Variants in TBCD observed in about 807,000 individuals in gnomAD.
TBCD encodes the protein tubulin folding cofactor D, also known as tubulin-specific chaperone D.
A neutral mutation model predicts 169.3 loss-of-function variants in TBCD; 105 were observed. That is an observed-to-expected ratio of 0.62 (90% CI 0.53 to 0.73). The LOEUF (loss-of-function observed/expected upper bound fraction) is 0.73. Among genes scored for constraint, TBCD ranks in the 30% least tolerant of loss-of-function variants. TBCD has a pLI of 0.00. For synonymous variants in TBCD, 700 were observed against 643.9 expected, an observed-to-expected ratio of 1.09 and a Z score of -1.32; for missense variants, 1,444 against 1,600.1, an observed-to-expected ratio of 0.90 and a Z score of 1.66.
chr17:82,856,454 A>C (rs2056287795), intron 13 of TBCD, among the ~76,000 whole-genome samples: 1 of 151,994 alleles, frequency 6.6e-6, no homozygotes, highest in Non-Finnish European at 1.5e-5. Flanking sequence ...AAAGAAAAAA[A>C]GAAAAAAAAC....
chr17:82,920,536 C>T lies in TBCD; in HGVS notation c.2039-20C>T, dbSNP rs2061356047. On this transcript the variant is annotated intron_variant, in intron 23 of 38. Coordinates refer to ENST00000355528, the MANE Select transcript of TBCD (RefSeq NM_005993.5). The surrounding 1 kb of genome is among the most constrained non-coding windows in gnomAD (Gnocchi z 4.1). ...TTAGAAAAGTAACATTGCGTCTATC[C>T]TTTTTTTTTTTTTTTCCAGTGTGTG... 10 of 1,402,998 alleles carry T rather than the reference C, an allele frequency of 7.1e-6. No homozygotes were observed. The highest frequency in any genetic ancestry group is 2.4e-5 in the Admixed American group (1 of 41,752). 86.9% of individuals were successfully genotyped at this position (1,402,998 alleles called of 1,614,324 possible).
At chr17:82,856,064 C>G (rs1271712517) in intron 13 of TBCD, among the ~76,000 whole-genome samples, 1 of 132,058 alleles carries the variant, frequency 7.6e-6, no homozygotes, top group Non-Finnish European at 1.5e-5. Context: ...TCTTGAACTC[C>G]TGGCCTCAAA....
intron 14 of TBCD, among the ~76,000 whole-genome samples, chr17:82,875,830 C>G (rs1421454202): frequency 6.6e-6 from 1 of 152,198 alleles, no homozygotes; most frequent in Non-Finnish European, 1.5e-5. Flanking sequence ...CCCGGCAAAT[C>G]CTGCCTCCAC....
intron 13 of TBCD, among the ~76,000 whole-genome samples, chr17:82,848,673 CT>C (rs1224325919): frequency 1.3e-5 from 2 of 152,086 alleles, no homozygotes; most frequent in South Asian, 2.1e-4. Flanking sequence ...CTCAGATCTT[CT>C]TTTTTTTCAT....
chr17:82,824,528 C>A (rs1263727071), intron 13 of TBCD, among the ~76,000 whole-genome samples: 1 of 152,110 alleles, frequency 6.6e-6, no homozygotes, highest in Non-Finnish European at 1.5e-5. Flanking sequence ...ATTGTCCAGG[C>A]TGGAGTGCAG....
At chr17:82,908,154 T>C in intron 21 of TBCD, 1 of 395,416 alleles carries the variant, frequency 2.5e-6, no homozygotes, top group South Asian at 2.1e-5. Flanking sequence ...CGGCTGCAGC[T>C]GGAGTGTGGT....
chr17:82,872,855 C>T (rs929252308), intron 14 of TBCD, among the ~76,000 whole-genome samples: 6 of 152,158 alleles, frequency 3.9e-5, no homozygotes, highest in Admixed American at 6.5e-5. Context: ...ACCTGGTGGC[C>T]GAAGGCTTCT....
In TBCD at chr17:82,874,780, G is replaced by A. The variant is rs1020725431; in HGVS notation, c.1475+4400G>A. Reference sequence around the variant, plus strand: ...CCCTGCGCACCCGGGTATCGGTTGGGGTGTGCCCTTCCAGATCTCCCTCCC... The same window carrying A: ...CCCTGCGCACCCGGGTATCGGTTGGAGTGTGCCCTTCCAGATCTCCCTCCC... On this transcript the variant is annotated intron_variant, in intron 14 of 38. Transcript: ENST00000355528. This position sits in a 1 kb window ranked among gnomAD's most constrained non-coding sequence, Gnocchi z 5.0. Among the ~76,000 whole-genome samples, 9 of 152,204 alleles carry A rather than the reference G, an allele frequency of 5.9e-5. No homozygotes were observed. The highest frequency in any genetic ancestry group is 2.2e-4 in the African/African-American group (9 of 41,442).
At chr17:82,777,430 C>T (rs550297262) in intron 6 of TBCD, among the ~76,000 whole-genome samples, 19 of 152,228 alleles carry the variant, frequency 1.2e-4, no homozygotes, top group African/African-American at 1.9e-4. Context: ...TTGCAGAGAC[C>T]GGTAGCGGCC....
At chr17:82,788,491 G>C (rs77455390) in intron 7 of TBCD, among the ~76,000 whole-genome samples, 4,092 of 152,182 alleles carry the variant, frequency 0.027, 85 homozygotes, top group Middle Eastern at 0.078. Context: ...TTAGGCTCGA[G>C]TCTCCCCTTT....
In TBCD at chr17:82,790,521, C is replaced by T. The variant is rs531563350; in HGVS notation, c.772-7236C>T. On this transcript the variant is annotated intron_variant, in intron 7 of 38. Transcript: ENST00000355528. ...GTCCTGGTGTCTTTGCTTGGCTCGC[C>T]GGCCTCCATGGGCTCCCCAGGTGGC... Among the ~76,000 whole-genome samples the T allele has an allele frequency of 3.3e-5, 5 of 152,212 alleles. No individual in the cohort carries two copies. The South Asian group carries it at 8.3e-4, about 25-fold the overall frequency.
intron 13 of TBCD, among the ~76,000 whole-genome samples, chr17:82,851,783 C>T (rs1343273828): frequency 1.3e-5 from 2 of 152,160 alleles, no homozygotes; most frequent in African/African-American, 2.4e-5. Context: ...AGGGAGCCCT[C>T]GTGCAGCCAC....
At chr17:82,771,179 A>G (rs190602522) in intron 5 of TBCD, among the ~76,000 whole-genome samples, 32 of 152,172 alleles carry the variant, frequency 2.1e-4, no homozygotes, top group African/African-American at 7.2e-4. Flanking sequence ...CAGCCCTCCG[A>G]AAAATAAATC....
Position 82,752,213 on chromosome 17 carries a change from C to T in TBCD, c.20C>T (p.Pro7Leu). 3.3e-6 allele frequency: 5 copies of T among 1,521,882 alleles called. No individual in the cohort carries two copies. The highest frequency in any genetic ancestry group is 2.1e-4 in the Middle Eastern group (1 of 4,794). The allele number at this position is 1,521,882 out of a possible 1,614,324, so 94.3% of individuals were successfully genotyped here. Residue 7 changes from proline to leucine, a missense_variant, in exon 1 of 39, where the codon CCG becomes CTG. By Grantham distance (98) the Pro-to-Leu change is moderately conservative. Coordinates refer to ENST00000355528, the MANE Select transcript of TBCD (RefSeq NM_005993.5). ...GCCGAGATGGCCCTGAGCGACGAAC[C>T]GGCCGCGGGCGGCCCCGAGGAGGAG... Reference protein sequence around the residue: MALSDEPAAGGPEEEAE... With the variant: MALSDELAAGGPEEEAE...
At chr17:82,859,627 A>G in intron 13 of TBCD, 4 of 985,432 alleles carry the variant, frequency 4.1e-6, no homozygotes, top group South Asian at 4.7e-5. Flanking sequence ...AGTGAGGACA[A>G]AGAGTGGAGG....
intron 7 of TBCD, among the ~76,000 whole-genome samples, chr17:82,794,307 C>T (rs1343384073): frequency 1.3e-5 from 2 of 152,180 alleles, no homozygotes; most frequent in African/African-American, 4.8e-5. Context: ...GGGTGGGTAG[C>T]CATCGAAAGG....
At chr17:82,878,424 C>T (rs2058114721) in intron 14 of TBCD, among the ~76,000 whole-genome samples, 1 of 152,242 alleles carries the variant, frequency 6.6e-6, no homozygotes, top group African/African-American at 2.4e-5. Flanking sequence ...CACTGCCAGC[C>T]TGCTTTCCGC....
chr17:82,800,611 C>T (rs2050441544), intron 8 of TBCD, among the ~76,000 whole-genome samples: 1 of 152,110 alleles, frequency 6.6e-6, no homozygotes, highest in Non-Finnish European at 1.5e-5. Flanking sequence ...GTGTGTGCTG[C>T]CCCCCTTCAG....
At chr17:82,938,835 A>AAC (rs2062857294) in intron 36 of TBCD, among the ~76,000 whole-genome samples, 1 of 70,426 alleles carries the variant, frequency 1.4e-5, no homozygotes, top group Non-Finnish European at 3.4e-5. Flanking sequence ...CCCTGGTGAA[A>AAC]AGAGAGCAGG....
Sources: gnomAD v4.1 joint callset for allele counts (sites outside exome capture counted in the v4.1 genomes callset) on GRCh38, gnomAD v4.1.1 for gene constraint, Gnocchi (gnomAD v3.1) non-coding constraint, MANE v1.5 for transcripts, NCBI Gene and HGNC (gene_info 2026-07-23, HGNC 2026-07-21) for gene names.